The following PPP3CC variants were observed in gnomAD, a reference collection of about 807,000 sequenced individuals.
PPP3CC encodes the protein serine/threonine-protein phosphatase 2B catalytic subunit gamma isoform.
In PPP3CC, 35 loss-of-function variants were observed where a neutral mutation model predicts 60.3. That is an observed-to-expected ratio of 0.58 (90% confidence interval 0.44 to 0.77). The LOEUF (loss-of-function observed/expected upper bound fraction) is 0.77. Ranked by LOEUF, PPP3CC falls within the 30% of genes least tolerant of loss-of-function variation. The probability of loss-of-function intolerance (pLI) is 0.00; values close to 1 mark genes in which losing one functional copy is unlikely to be tolerated. For synonymous variants in PPP3CC, 206 were observed against 224.3 expected, an observed-to-expected ratio of 0.92 and a Z score of 0.73; for missense variants, 570 against 628.9, an observed-to-expected ratio of 0.91 and a Z score of 1.00.
At chr8:22,468,834 C>T (rs959802567) in intron 1 of PPP3CC, among the ~76,000 whole-genome samples, 1 of 152,134 alleles carries the variant, frequency 6.6e-6, no homozygotes, top group Non-Finnish European at 1.5e-5. Flanking sequence ...GTCTCATATG[C>T]TCGCACAGAA....
chr8:22,499,725 C>T lies in PPP3CC; in HGVS notation c.484+1613C>T, dbSNP rs182278107. ...CCCCAGGGCATTTGCATTTTTAGTT[C>T]TTCTTTTCCCAGATCTCTATCTGCG... On this transcript the variant is annotated intron_variant, in intron 4 of 13. Coordinates refer to ENST00000240139, the MANE Select transcript of PPP3CC (RefSeq NM_005605.5). 9.2e-5 allele frequency among the ~76,000 whole-genome samples: 14 copies of T among 152,296 alleles called. 2 individuals carry two copies. Among genetic ancestry groups the T allele is most frequent in the African/African-American group, 2.9e-4 (12 of 41,570 alleles).
At chr8:22,466,330 A>G (rs1436376391) in intron 1 of PPP3CC, among the ~76,000 whole-genome samples, 1 of 152,246 alleles carries the variant, frequency 6.6e-6, no homozygotes, top group Non-Finnish European at 1.5e-5. Flanking sequence ...AGAATGATTT[A>G]TAATCCTTTG....
chr8:22,451,580 T>C (rs1278084650), intron 1 of PPP3CC, among the ~76,000 whole-genome samples: 1 of 152,200 alleles, frequency 6.6e-6, no homozygotes, highest in Non-Finnish European at 1.5e-5. Context: ...AATCAAAACC[T>C]GGGGACATAA....
rs1253027342 is a variant in PPP3CC at position 22,502,605 on chromosome 8, A to G, written c.484+4493A>G. Among the ~76,000 whole-genome samples, 4 of 152,122 alleles carry G rather than the reference A, an allele frequency of 2.6e-5. No individual in the cohort carries two copies. In the East Asian group the frequency reaches 7.7e-4, roughly 29 times the overall value. On this transcript the variant is annotated intron_variant, in intron 4 of 13. Coordinates refer to ENST00000240139, the MANE Select transcript of PPP3CC (RefSeq NM_005605.5). ...TGGGAGGCTGAGGCAGGAGGATTGC[A>G]TGAGCCCAGGAATTCAAGGCTGCAG...
intron 3 of PPP3CC, among the ~76,000 whole-genome samples, chr8:22,485,046 G>C (rs79138923): frequency 0.034 from 5,188 of 152,084 alleles, 304 homozygotes; most frequent in African/African-American, 0.12. Flanking sequence ...TTTTCTAACT[G>C]TGGTCTTTTA....
intron 1 of PPP3CC, among the ~76,000 whole-genome samples, chr8:22,463,992 T>C (rs1303781433): frequency 6.6e-6 from 1 of 152,172 alleles, no homozygotes; most frequent in African/African-American, 2.4e-5. Flanking sequence ...TTCACCATGT[T>C]GGTCAGGCTG....
chr8:22,532,197 A>C, intron 10 of PPP3CC, 28 bp from the exon 11 acceptor site: 1 of 1,548,870 alleles, frequency 6.5e-7, no homozygotes, highest in Non-Finnish European at 8.9e-7. Context: ...ACATCCCTTT[A>C]ACTTACTTAT....
intron 4 of PPP3CC, among the ~76,000 whole-genome samples, chr8:22,509,855 C>G (rs1352441342): frequency 6.6e-6 from 1 of 152,158 alleles, no homozygotes; most frequent in Non-Finnish European, 1.5e-5. Flanking sequence ...GTGTGTGCCA[C>G]CACAGCCAGC....
intron 10 of PPP3CC, among the ~76,000 whole-genome samples, chr8:22,530,478 T>C (rs1839676397): frequency 6.6e-6 from 1 of 150,912 alleles, no homozygotes; most frequent in Admixed American, 6.6e-5. Context: ...GAAACACATA[T>C]ATTTCCTATT....
intron 1 of PPP3CC, among the ~76,000 whole-genome samples, chr8:22,468,715 A>C (rs576278860): frequency 6.6e-6 from 1 of 152,166 alleles, no homozygotes; most frequent in East Asian, 1.9e-4. Context: ...TTTAAAATGG[A>C]CTCTGATTTA....
intron 8 of PPP3CC, 74 bp downstream of exon 8, chr8:22,522,823 T>A: frequency 9.7e-7 from 1 of 1,033,362 alleles, no homozygotes; most frequent in Non-Finnish European, 1.4e-6. Flanking sequence ...TATGTACGTA[T>A]GTGTGTTTGT....
At chr8:22,522,444 A>G (rs780719745) in intron 6 of PPP3CC, 47 bp from the exon 7 acceptor site, 9 of 1,479,440 alleles carry the variant, frequency 6.1e-6, no homozygotes, top group Non-Finnish European at 8.3e-6. Flanking sequence ...CCTATTAAAA[A>G]AAATTGTTTT....
At chr8:22,512,902 C>A (rs529106479) in intron 5 of PPP3CC, among the ~76,000 whole-genome samples, 2 of 152,062 alleles carry the variant, frequency 1.3e-5, no homozygotes. Context: ...CATGGAGAAA[C>A]CCCATCTCTA....
chr8:22,446,970 T>C (rs1836843834), intron 1 of PPP3CC, among the ~76,000 whole-genome samples: 4 of 151,934 alleles, frequency 2.6e-5, no homozygotes, highest in Admixed American at 2.6e-4. Context: ...ATCATTACCA[T>C]CCTTTGGTGC....
In PPP3CC at chr8:22,441,376, G is replaced by T; in HGVS notation, c.-34G>T. ...GCCGCGGCGTAGGCGCACGTCCGGCGGGCTCCTGGAGCCTGGAGGAGGCCG... is the reference window on the plus strand; with the variant it reads ...GCCGCGGCGTAGGCGCACGTCCGGCTGGCTCCTGGAGCCTGGAGGAGGCCG... On this transcript the variant is annotated 5_prime_UTR_variant, in exon 1 of 14. Transcript: ENST00000240139. 1 of 1,517,318 alleles carries T rather than the reference G, an allele frequency of 6.6e-7. No homozygotes were observed. Among genetic ancestry groups the T allele is most frequent in the Non-Finnish European group, 8.8e-7 (1 of 1,134,080 alleles). 94.0% of individuals were successfully genotyped at this position (1,517,318 alleles called of 1,614,324 possible).
chr8:22,474,837 C>T, intron 1 of PPP3CC, 117 bp from the exon 2 acceptor site: 1 of 601,544 alleles, frequency 1.7e-6, no homozygotes, highest in Non-Finnish European at 2.5e-6. Context: ...CGTACTGGTG[C>T]TGTGGATGTG....
intron 1 of PPP3CC, among the ~76,000 whole-genome samples, chr8:22,443,590 C>G (rs1836740447): frequency 6.6e-6 from 1 of 150,746 alleles, no homozygotes; most frequent in Non-Finnish European, 1.5e-5. Context: ...TAAACACTGT[C>G]ATCATATCCT....
At chr8:22,461,006 C>T (rs183501915) in intron 1 of PPP3CC, among the ~76,000 whole-genome samples, 14 of 152,026 alleles carry the variant, frequency 9.2e-5, no homozygotes, top group African/African-American at 1.7e-4. Context: ...CCACCATGCC[C>T]GGCTAATTTT....
At chr8:22,491,222 T>C (rs1294483452) in intron 3 of PPP3CC, among the ~76,000 whole-genome samples, 1 of 152,214 alleles carries the variant, frequency 6.6e-6, no homozygotes, top group Non-Finnish European at 1.5e-5. Flanking sequence ...AAAGGGTGTA[T>C]GCATTCATAC....
Sources: allele counts gnomAD v4.1 joint callset (sites outside exome capture counted in the v4.1 genomes callset), GRCh38; gene constraint gnomAD v4.1.1; transcripts MANE v1.5; gene names NCBI Gene and HGNC (gene_info 2026-07-23, HGNC 2026-07-21).